The following EPS8 variants were observed in gnomAD, a reference collection of about 807,000 sequenced individuals.
EPS8 encodes epidermal growth factor receptor kinase substrate 8.
A neutral mutation model predicts 103.8 loss-of-function variants in EPS8; 42 were observed. The ratio of observed to expected loss-of-function variants is 0.40; its 90% CI spans 0.32 to 0.52. The LOEUF is 0.52. Among genes scored for constraint, EPS8 ranks in the 20% least tolerant of loss-of-function variants. The pLI is 0.40. For synonymous variants in EPS8, 344 were observed against 344.6 expected, an observed-to-expected ratio of 1.00 and a Z score of 0.02; for missense variants, 969 against 1,005.1, an observed-to-expected ratio of 0.96 and a Z score of 0.49.
chr12:15,676,394 T>TGGAAAAG (rs1289371959), intron 3 of EPS8, among the ~76,000 whole-genome samples: 1 of 151,066 alleles, frequency 6.6e-6, no homozygotes, highest in African/African-American at 2.4e-5. Context: ...TATAACAACA[T>TGGAAAAG]GGAAAAGGGA....
intron 1 of EPS8, among the ~76,000 whole-genome samples, chr12:15,765,559 A>G (rs1947084791): frequency 6.6e-6 from 1 of 152,154 alleles, no homozygotes; most frequent in South Asian, 2.1e-4. Context: ...AGTAAGAAAA[A>G]AAAATTGTTT....
rs1591811356 is a variant in EPS8 at position 15,640,790 on chromosome 12, T to C, written c.1734A>G (p.Gly578=). ...TATCCAAAATGTTATTTGGCACAAA[T>C]CCAGAGTCTCCACTTGCATTTCGAA... ...WKVRNASGDS[G]FVPNNILDIV... Residue 578 remains glycine (G), a synonymous_variant, in exon 17 of 21, where the codon GGA becomes GGG. Coordinates refer to ENST00000281172, the MANE Select transcript of EPS8 (RefSeq NM_004447.6). The C allele has an allele frequency of 1.5e-5, 25 of 1,613,932 alleles. No homozygotes were observed. Among genetic ancestry groups the C allele is most frequent in the Non-Finnish European group, 2.1e-5 (25 of 1,179,864 alleles).
rs910550523 is a variant in EPS8, at chr12:15,748,602, CAAAT to C, written c.-22+40555_-22+40558del. On this transcript the variant is annotated intron_variant, in intron 1 of 20. Transcript: ENST00000281172. This position sits in a 1 kb window ranked among gnomAD's most constrained non-coding sequence, Gnocchi z 4.8. The stretch of plus-strand genomic sequence containing the variant: ...TTTTTCACTCTGGATCTGAACAACT[CAAAT>C]AAAGTATAAACACGTAGCTTTCATT... Among the ~76,000 whole-genome samples the C allele has an allele frequency of 2.0e-5, 3 of 152,040 alleles. No homozygotes were observed. Among genetic ancestry groups the C allele is most frequent in the African/African-American group, 7.2e-5 (3 of 41,392 alleles).
At chr12:15,648,246 CT>C (rs1945354435) in intron 14 of EPS8, among the ~76,000 whole-genome samples, 1 of 152,194 alleles carries the variant, frequency 6.6e-6, no homozygotes, top group Non-Finnish European at 1.5e-5. Context: ...AAAGCCTTTA[CT>C]TTGTTTCTTT....
intron 3 of EPS8, among the ~76,000 whole-genome samples, chr12:15,673,188 T>C (rs2135859196): frequency 6.6e-6 from 1 of 152,334 alleles, no homozygotes; most frequent in South Asian, 2.1e-4. Flanking sequence ...GTGTCATTTC[T>C]AATATTCCAA....
intron 3 of EPS8, 41 bp downstream of exon 3, chr12:15,681,185 G>T: frequency 1.9e-6 from 2 of 1,079,902 alleles, no homozygotes; most frequent in Non-Finnish European, 2.7e-6. Context: ...GTAAAAAGTG[G>T]TTAGAAACAA....
intron 17 of EPS8, among the ~76,000 whole-genome samples, chr12:15,637,145 T>C (rs1028637547): frequency 1.3e-5 from 2 of 152,198 alleles, no homozygotes; most frequent in Non-Finnish European, 2.9e-5. Context: ...CTCAGTCTCC[T>C]GAGTAGCTGG....
intron 15 of EPS8, among the ~76,000 whole-genome samples, chr12:15,645,604 C>T (rs1323958749): frequency 6.6e-6 from 1 of 151,994 alleles, no homozygotes; most frequent in African/African-American, 2.4e-5. Flanking sequence ...TCATAAAAAT[C>T]AAGGTAAGCT....
At chr12:15,758,698 T>C (rs1298919309) in intron 1 of EPS8, among the ~76,000 whole-genome samples, 2 of 152,232 alleles carry the variant, frequency 1.3e-5, no homozygotes, top group Non-Finnish European at 2.9e-5. Flanking sequence ...TTTCATATGA[T>C]TGCAGAAATT....
intron 1 of EPS8, among the ~76,000 whole-genome samples, chr12:15,740,149 C>T (rs1311422985): frequency 6.6e-6 from 1 of 152,118 alleles, no homozygotes; most frequent in Non-Finnish European, 1.5e-5. Context: ...CCTAGATGCA[C>T]AATCTTATTG....
At position 15,701,233 on chromosome 12, in the gene EPS8, G is replaced by C. The variant is rs917168479; in HGVS notation, c.-21-18261C>G. 2.0e-5 allele frequency among the ~76,000 whole-genome samples: 3 copies of C among 152,178 alleles called. No homozygotes were observed. Among genetic ancestry groups the C allele is most frequent in the Non-Finnish European group, 4.4e-5 (3 of 68,038 alleles). On this transcript the variant is annotated intron_variant, in intron 1 of 20. Transcript: ENST00000281172. This position sits in a 1 kb window ranked among gnomAD's most constrained non-coding sequence, Gnocchi z 5.1. ...ATCCATATATGTGTCAAACGTTGTT[G>C]TAAGTTCTTTGCATGCATTAATTCA...
rs61651306 is a variant in EPS8 at position 15,772,399 on chromosome 12, T to G, written c.-22+16762A>C. ...CCTGAAGAACTGAGAGTAACTGTTC[T>G]AAACGAAACACTGAGGTTCCCTAGA... On this transcript the variant is annotated intron_variant, in intron 1 of 20. Coordinates refer to ENST00000281172, the MANE Select transcript of EPS8 (RefSeq NM_004447.6). This position sits in a 1 kb window ranked among gnomAD's most constrained non-coding sequence, Gnocchi z 5.0. Among the ~76,000 whole-genome samples, 3,084 of 152,218 alleles carry G rather than the reference T, an allele frequency of 0.02. 103 individuals carry two copies. Among genetic ancestry groups the G allele is most frequent in the African/African-American group, 0.07 (2,921 of 41,518 alleles).
intron 17 of EPS8, among the ~76,000 whole-genome samples, chr12:15,636,513 A>T (rs1165111317): frequency 6.6e-6 from 1 of 152,188 alleles, no homozygotes; most frequent in Non-Finnish European, 1.5e-5. Flanking sequence ...TGGCAATTCA[A>T]CACCTATTCA....
chr12:15,668,086 A>G (rs935890693), intron 6 of EPS8, among the ~76,000 whole-genome samples: 8 of 152,184 alleles, frequency 5.3e-5, no homozygotes, highest in Non-Finnish European at 1.2e-4. Flanking sequence ...TTTTTAAAGC[A>G]AAATATTCCC....
chr12:15,720,443 G>A (rs1946582710), intron 1 of EPS8, among the ~76,000 whole-genome samples: 1 of 152,072 alleles, frequency 6.6e-6, no homozygotes, highest in African/African-American at 2.4e-5. Flanking sequence ...GTGCCATCAT[G>A]CCCAACAATA....
chr12:15,681,417 T>C, intron 2 of EPS8, 115 bp from the exon 3 acceptor site: 1 of 345,182 alleles, frequency 2.9e-6, no homozygotes, highest in Non-Finnish European at 4.9e-6. Flanking sequence ...CAATGCACTA[T>C]AATCACCACG....
At chr12:15,624,692 A>G (rs1220894013) in intron 18 of EPS8, among the ~76,000 whole-genome samples, 1 of 152,236 alleles carries the variant, frequency 6.6e-6, no homozygotes, top group Non-Finnish European at 1.5e-5. Flanking sequence ...ACAGCTGAAT[A>G]TAACACAACA....
At position 15,734,357 on chromosome 12, in the gene EPS8, A is replaced by T. The variant is rs1309525858; in HGVS notation, c.-21-51385T>A. Among the ~76,000 whole-genome samples the T allele has an allele frequency of 6.6e-6, 1 of 152,106 alleles. No individual in the cohort carries two copies. Among genetic ancestry groups the T allele is most frequent in the Non-Finnish European group, 1.5e-5 (1 of 68,032 alleles). ...GATGGCCCTGTTTTACTACTGTTCC[A>T]GGGGCATTAGGCTACAATAACATTC... On this transcript the variant is annotated intron_variant, in intron 1 of 20. Coordinates refer to ENST00000281172, the MANE Select transcript of EPS8 (RefSeq NM_004447.6). This position sits in a 1 kb window ranked among gnomAD's most constrained non-coding sequence, Gnocchi z 4.1.
At chr12:15,652,680 C>T (rs1945436076) in intron 13 of EPS8, among the ~76,000 whole-genome samples, 1 of 152,034 alleles carries the variant, frequency 6.6e-6, no homozygotes, top group African/African-American at 2.4e-5. Context: ...TATACTAGTA[C>T]ATAAATAATA....
Sources: allele counts gnomAD v4.1 joint callset (sites outside exome capture counted in the v4.1 genomes callset), GRCh38; gene constraint gnomAD v4.1.1; non-coding constraint Gnocchi (gnomAD v3.1); transcripts MANE v1.5; gene names NCBI Gene and HGNC (gene_info 2026-07-23, HGNC 2026-07-21).